Variants in STXBP3 observed in about 807,000 individuals in gnomAD.
STXBP3 encodes the protein syntaxin-binding protein 3.
Under a neutral mutation model 85.7 loss-of-function variants are expected in STXBP3, and 41 were observed. The ratio of observed to expected loss-of-function variants is 0.48; its 90% CI spans 0.37 to 0.62. The LOEUF is 0.62. STXBP3 is among the 20% of genes least tolerant of loss of function. The probability of loss-of-function intolerance (pLI) is 0.00; values close to 1 mark genes in which losing one functional copy is unlikely to be tolerated. For synonymous variants in STXBP3, 229 were observed against 231.7 expected, an observed-to-expected ratio of 0.99 and a Z score of 0.10; for missense variants, 563 against 703.1, an observed-to-expected ratio of 0.80 and a Z score of 2.25.
At chr1:108,760,240 C>T (rs746575825) in intron 6 of STXBP3, among the ~76,000 whole-genome samples, 155 bp downstream of exon 6, 57 of 152,058 alleles carry the variant, frequency 3.7e-4, no homozygotes, top group African/African-American at 6.5e-4. Context: ...TGAAGTCAGA[C>T]GCGTGAGCAA....
At chr1:108,779,170 T>A (rs923961636) in intron 8 of STXBP3, 116 bp from the exon 9 acceptor site, 5 of 1,082,940 alleles carry the variant, frequency 4.6e-6, no homozygotes, top group Non-Finnish European at 6.5e-6. Context: ...TGTATGTTTT[T>A]GGTGGGGAAA....
At chr1:108,785,319 T>C (rs558526665) in intron 11 of STXBP3, among the ~76,000 whole-genome samples, 10 of 152,340 alleles carry the variant, frequency 6.6e-5, no homozygotes, top group African/African-American at 2.4e-4. Context: ...AGTTCTTGAC[T>C]TCTATGCACC....
chr1:108,805,133 T>A (rs1174557867), intron 17 of STXBP3, among the ~76,000 whole-genome samples: 5 of 152,214 alleles, frequency 3.3e-5, no homozygotes, highest in Non-Finnish European at 7.3e-5. Context: ...ATCCCGTTAC[T>A]CTAAAATTGC....
At chr1:108,773,935 T>C (rs998613182) in intron 7 of STXBP3, among the ~76,000 whole-genome samples, 1 of 152,066 alleles carries the variant, frequency 6.6e-6, no homozygotes, top group Non-Finnish European at 1.5e-5. Context: ...AATGAACATA[T>C]CCATCTAACC....
intron 6 of STXBP3, among the ~76,000 whole-genome samples, chr1:108,771,568 TATA>T: frequency 2.3e-5 from 1 of 44,408 alleles, no homozygotes; most frequent in African/African-American, 9.9e-5. Flanking sequence ...GATATATAAA[TATA>T]TATGATATAT....
At chr1:108,807,991 G>A (rs1391136575) in intron 18 of STXBP3, among the ~76,000 whole-genome samples, 2 of 152,174 alleles carry the variant, frequency 1.3e-5, no homozygotes, top group Non-Finnish European at 2.9e-5. Flanking sequence ...CATAGAATGT[G>A]TTTTGTCTGA....
intron 1 of STXBP3, among the ~76,000 whole-genome samples, chr1:108,751,818 G>A (rs1661912345): frequency 6.6e-6 from 1 of 152,054 alleles, no homozygotes; most frequent in Admixed American, 6.6e-5. Flanking sequence ...GATATGTATT[G>A]TTGAAAAGCA....
At chr1:108,801,821 A>T (rs748208687) in intron 17 of STXBP3, among the ~76,000 whole-genome samples, 1 of 151,950 alleles carries the variant, frequency 6.6e-6, no homozygotes, top group African/African-American at 2.4e-5. Context: ...GGTATATGCC[A>T]CCACACCCAG....
At position 108,758,553 on chromosome 1, in the gene STXBP3, A is replaced by G. The variant is rs745431080; in HGVS notation, c.302A>G (p.Asn101Ser). ...FLHDFASKSENKYKAAYIYFT... is the reference protein window; with the variant it reads ...FLHDFASKSESKYKAAYIYFT... ...CATGATTTTGCAAGTAAATCGGAGA[A>G]CAAGTATAAAGCAGCATATATTTAC... The change falls in exon 5 of 19, where the codon AAC becomes AGC. Residue 101 changes from asparagine to serine, a missense_variant. Asn to Ser is a conservative substitution (Grantham distance 46). This residue lies in a region of STXBP3 where 494 missense variants were observed against 592.8 expected (regional missense o/e 0.83). Coordinates refer to ENST00000370008, the MANE Select transcript of STXBP3 (RefSeq NM_007269.4). 2 of 1,548,392 alleles carry G rather than the reference A, an allele frequency of 1.3e-6. No individual in the cohort carries two copies. Among genetic ancestry groups the G allele is most frequent in the South Asian group, 2.5e-5 (2 of 78,954 alleles).
intron 3 of STXBP3, among the ~76,000 whole-genome samples, chr1:108,755,784 A>T (rs1234770659): frequency 6.6e-6 from 1 of 152,204 alleles, no homozygotes; most frequent in Non-Finnish European, 1.5e-5. Flanking sequence ...GTAAAACTAT[A>T]ATAGTTGAGA....
rs375814592 is a variant in STXBP3, at chr1:108,800,319, G to C, written c.1535+14G>C. 19 of 1,578,800 alleles carry C rather than the reference G, an allele frequency of 1.2e-5. No homozygotes were observed. The highest frequency in any genetic ancestry group is 4.1e-5 in the African/African-American group (3 of 74,054). The stretch of plus-strand genomic sequence containing the variant: ...AGGAGCTGTAAGGTAAATTCTACAA[G>C]TGAAAATCAATGAAATTTTCATTCT... On this transcript the variant is annotated intron_variant, in intron 17 of 18. Coordinates refer to ENST00000370008, the MANE Select transcript of STXBP3 (RefSeq NM_007269.4).
intron 6 of STXBP3, among the ~76,000 whole-genome samples, chr1:108,762,765 C>T (rs1482443579): frequency 2.6e-5 from 4 of 152,054 alleles, no homozygotes; most frequent in African/African-American, 7.2e-5. Flanking sequence ...AACCTTCACC[C>T]GTAGTATAAT....
chr1:108,804,523 T>C (rs1012547776), intron 17 of STXBP3, among the ~76,000 whole-genome samples: 4 of 152,230 alleles, frequency 2.6e-5, no homozygotes, highest in Non-Finnish European at 4.4e-5. Context: ...TTGCCTTTTA[T>C]TTCTGCAGAC....
intron 17 of STXBP3, among the ~76,000 whole-genome samples, chr1:108,802,698 A>C (rs1426020889): frequency 1.3e-5 from 2 of 152,184 alleles, no homozygotes; most frequent in African/African-American, 4.8e-5. Flanking sequence ...TTTCCAGTTA[A>C]CCTGAAATGT....
At chr1:108,788,910 C>A (rs754092011) in intron 11 of STXBP3, among the ~76,000 whole-genome samples, 1 of 151,884 alleles carries the variant, frequency 6.6e-6, no homozygotes, top group Non-Finnish European at 1.5e-5. Flanking sequence ...AAAAAAAATA[C>A]AAAAATTAGC....
intron 9 of STXBP3, chr1:108,780,575 G>T (rs1471958092): frequency 7.2e-6 from 1 of 138,804 alleles, no homozygotes; most frequent in African/African-American, 2.7e-5. Context: ...CCCCATGTTG[G>T]CCAGGCTAGT....
intron 8 of STXBP3, 114 bp from the exon 9 acceptor site, chr1:108,779,172 G>T: frequency 1.8e-6 from 2 of 1,102,680 alleles, no homozygotes; most frequent in South Asian, 2.1e-5. Context: ...TATGTTTTTG[G>T]TGGGGAAAAG....
intron 17 of STXBP3, among the ~76,000 whole-genome samples, chr1:108,801,785 C>T (rs962244415): frequency 6.6e-6 from 1 of 151,956 alleles, no homozygotes; most frequent in African/African-American, 2.4e-5. Context: ...CCTCCCACCT[C>T]AGCCTCCCAG....
chr1:108,747,399 A>G (rs1661814468), intron 1 of STXBP3, among the ~76,000 whole-genome samples: 2 of 151,922 alleles, frequency 1.3e-5, no homozygotes, highest in African/African-American at 4.8e-5. Context: ...ATCTTCCTGC[A>G]TAGCCTGGGC....
Sources: allele counts gnomAD v4.1 joint callset (sites outside exome capture counted in the v4.1 genomes callset), GRCh38; gene constraint gnomAD v4.1.1; regional missense constraint gnomAD v4.1.1; transcripts MANE v1.5; gene names NCBI Gene and HGNC (gene_info 2026-07-23, HGNC 2026-07-21).